SESTD1: variants seen among roughly 807,000 people sequenced by gnomAD.
SESTD1 encodes the protein SEC14 domain and spectrin repeat-containing protein 1.
In SESTD1, 43 loss-of-function variants were observed where a neutral mutation model predicts 101.7. That is an observed-to-expected ratio of 0.42 (90% CI 0.33 to 0.55). The LOEUF (loss-of-function observed/expected upper bound fraction) is 0.55. Among genes scored for constraint, SESTD1 ranks in the 20% least tolerant of loss-of-function variants. SESTD1 has a pLI of 0.07. For missense variants in SESTD1, 647 were observed against 815.1 expected (o/e 0.79, Z 2.51); for synonymous variants, 283 against 286.8 (o/e 0.99, Z 0.13).
chr2:179,237,527 G>A (rs893806498), intron 1 of SESTD1, among the ~76,000 whole-genome samples: 1 of 152,136 alleles, frequency 6.6e-6, no homozygotes, highest in African/African-American at 2.4e-5. Flanking sequence ...TTGTGTGTGT[G>A]TCCCTTCCCT....
chr2:179,172,427 A>C (rs936185840), intron 4 of SESTD1, among the ~76,000 whole-genome samples, 194 bp from the exon 5 acceptor site: 10 of 152,234 alleles, frequency 6.6e-5, no homozygotes, highest in Non-Finnish European at 1.0e-4. Context: ...AAGGTGATTC[A>C]GAAAATACTT....
At position 179,154,055 on chromosome 2, in the gene SESTD1, G is replaced by A. The variant is rs189090825; in HGVS notation, c.370-2664C>T. Among the ~76,000 whole-genome samples the A allele has an allele frequency of 5.2e-5, 7 of 135,576 alleles. No individual in the cohort carries two copies. The Admixed American group carries it at 5.2e-4, about 10-fold the overall frequency. The allele number at this position is 135,576 out of a possible 152,430, so 88.9% of individuals were successfully genotyped here. ...AACCAGGAGTTTAAGACCAGCCTGGGTAATGTAAGAAAACCCAATCTCTAC... is the reference window on the plus strand; with the variant it reads ...AACCAGGAGTTTAAGACCAGCCTGGATAATGTAAGAAAACCCAATCTCTAC... On this transcript the variant is annotated intron_variant, in intron 5 of 17. Transcript: ENST00000428443.
intron 5 of SESTD1, among the ~76,000 whole-genome samples, chr2:179,162,247 T>TAA (rs78526224): frequency 2.1e-5 from 3 of 145,244 alleles, no homozygotes; most frequent in African/African-American, 5.0e-5. Flanking sequence ...ATATTTTAAG[T>TAA]AAAAAAAAAA....
chr2:179,257,057 G>C lies in SESTD1; in HGVS notation c.-26+7442C>G, dbSNP rs149996251. Among the ~76,000 whole-genome samples, 7 of 152,112 alleles carry C rather than the reference G, an allele frequency of 4.6e-5. No homozygotes were observed. In the East Asian group the frequency reaches 1.4e-3, roughly 29 times the overall value. On this transcript the variant is annotated intron_variant, in intron 1 of 17. Transcript: ENST00000428443. The stretch of plus-strand genomic sequence containing the variant: ...CTACCACCCAGCATCTCATGCCACA[G>C]AGAAATCTTTCATGAGAAGAAGAGT...
chr2:179,164,007 T>A (rs1035439361), intron 5 of SESTD1, among the ~76,000 whole-genome samples: 3 of 152,216 alleles, frequency 2.0e-5, no homozygotes, highest in Admixed American at 6.5e-5. Context: ...AGATGGTTTA[T>A]TATTATTTCA....
intron 2 of SESTD1, among the ~76,000 whole-genome samples, chr2:179,186,577 A>G (rs1249574919): frequency 7.2e-5 from 11 of 152,040 alleles, no homozygotes; most frequent in Admixed American, 7.2e-4. Flanking sequence ...GTCAATTATT[A>G]TTACATTTTC....
chr2:179,106,672 TGAGAAG>T lies in SESTD1; in HGVS notation c.*3221_*3226del, dbSNP rs2044390352. 1 of 152,128 alleles carries T rather than the reference TGAGAAG, an allele frequency of 6.6e-6. No individual in the cohort carries two copies. Among genetic ancestry groups the T allele is most frequent in the African/African-American group, 2.4e-5 (1 of 41,422 alleles). 9.4% of individuals were successfully genotyped at this position (152,128 alleles called of 1,614,324 possible). The stretch of plus-strand genomic sequence containing the variant: ...ATAGCCAATGTAAATTTGTATAAAG[TGAGAAG>T]TATTCAATCTTCTACCTAACAATGA... On this transcript the variant is annotated 3_prime_UTR_variant, in exon 18 of 18. Coordinates refer to ENST00000428443, the MANE Select transcript of SESTD1 (RefSeq NM_178123.5).
intron 1 of SESTD1, among the ~76,000 whole-genome samples, chr2:179,200,049 C>T (rs1323602923): frequency 1.3e-5 from 2 of 152,184 alleles, no homozygotes; most frequent in African/African-American, 4.8e-5. Context: ...CCAAAATCCG[C>T]TTAAGCTGAT....
At position 179,117,499 on chromosome 2, in the gene SESTD1, G is replaced by GTT. The variant is rs756841987; in HGVS notation, c.1524+31_1524+32dup. 6.6e-6 allele frequency: 10 copies of GTT among 1,520,960 alleles called. No homozygotes were observed. In the South Asian group the frequency reaches 1.0e-4, roughly 16 times the overall value. 94.2% of individuals were successfully genotyped at this position (1,520,960 alleles called of 1,614,324 possible). A position where few individuals can be genotyped will look rare whatever the true frequency, so the allele number is the denominator to read the frequency against. ...AGATAAAATCAATCTTCTAAGAAAA[G>GTT]TTAACTACATAATGTAGCTGACTGC... On this transcript the variant is annotated intron_variant, in intron 14 of 17. Transcript: ENST00000428443.
rs547685152 is a variant in SESTD1, at chr2:179,223,317, C to G, written c.-25-31451G>C. The stretch of plus-strand genomic sequence containing the variant: ...GTGACTGGTAATAGACACTAAGTTT[C>G]TTTTTGGGGTGATGGAAATACTGTA... On this transcript the variant is annotated intron_variant, in intron 1 of 17. Coordinates refer to ENST00000428443, the MANE Select transcript of SESTD1 (RefSeq NM_178123.5). Among the ~76,000 whole-genome samples the G allele has an allele frequency of 2.0e-5, 3 of 152,136 alleles. No homozygotes were observed. In the South Asian group the frequency reaches 6.2e-4, roughly 32 times the overall value.
At chr2:179,183,872 G>A (rs1045618717) in intron 2 of SESTD1, among the ~76,000 whole-genome samples, 2 of 142,760 alleles carry the variant, frequency 1.4e-5, no homozygotes, top group African/African-American at 2.5e-5. Flanking sequence ...GAGACAGAGA[G>A]GAAGGAAGGA....
At chr2:179,187,330 A>C (rs1559135238) in intron 2 of SESTD1, among the ~76,000 whole-genome samples, 1 of 152,060 alleles carries the variant, frequency 6.6e-6, no homozygotes, top group Non-Finnish European at 1.5e-5. Flanking sequence ...AGATGGATCC[A>C]AAAAAAAGAT....
At chr2:179,217,457 G>C in intron 1 of SESTD1, among the ~76,000 whole-genome samples, 1 of 152,250 alleles carries the variant, frequency 6.6e-6, no homozygotes, top group East Asian at 1.9e-4. Flanking sequence ...TTAGAATGGC[G>C]ATTATTAAAA....
intron 1 of SESTD1, among the ~76,000 whole-genome samples, chr2:179,239,233 A>C (rs1260084390): frequency 6.6e-6 from 1 of 152,136 alleles, no homozygotes; most frequent in Non-Finnish European, 1.5e-5. Context: ...ATGAATAGAG[A>C]ATTTTTTTTT....
chr2:179,198,548 C>A (rs1226087580), intron 1 of SESTD1, among the ~76,000 whole-genome samples: 2 of 151,946 alleles, frequency 1.3e-5, no homozygotes, highest in Admixed American at 1.3e-4. Context: ...TGACCACATA[C>A]TTGGAAGTAC....
intron 1 of SESTD1, among the ~76,000 whole-genome samples, chr2:179,200,950 C>T (rs1278135820): frequency 7.5e-6 from 1 of 133,964 alleles, no homozygotes; most frequent in Non-Finnish European, 1.6e-5. Context: ...AGAGCTTCTG[C>T]ACAGCAAAAG....
At chr2:179,263,959 C>A (rs941719744) in intron 1 of SESTD1, 2 of 152,280 alleles carry the variant, frequency 1.3e-5, no homozygotes, top group Non-Finnish European at 2.9e-5. Flanking sequence ...GGGCCTCGAG[C>A]CCGTGTCCTC....
At chr2:179,236,471 C>T (rs533298191) in intron 1 of SESTD1, among the ~76,000 whole-genome samples, 73 of 151,986 alleles carry the variant, frequency 4.8e-4, no homozygotes, top group East Asian at 2.7e-3. Flanking sequence ...CACTCTAACC[C>T]GGGCAACACA....
intron 1 of SESTD1, among the ~76,000 whole-genome samples, chr2:179,198,548 C>G (rs1226087580): frequency 1.6e-4 from 25 of 152,054 alleles, no homozygotes; most frequent in South Asian, 4.2e-4. Context: ...TGACCACATA[C>G]TTGGAAGTAC....
Sources: gnomAD v4.1 joint callset for allele counts (sites outside exome capture counted in the v4.1 genomes callset) on GRCh38, gnomAD v4.1.1 for gene constraint, MANE v1.5 for transcripts, NCBI Gene and HGNC (gene_info 2026-07-23, HGNC 2026-07-21) for gene names.